Variants in EDN1 observed in about 807,000 individuals in gnomAD.
EDN1 encodes endothelin-1.
In EDN1, 11 loss-of-function variants were observed where a neutral mutation model predicts 21.7. That is an observed-to-expected ratio of 0.51 (90% CI 0.32 to 0.84). EDN1 has a LOEUF of 0.84. EDN1 is among the 40% of genes least tolerant of loss of function. The pLI is 0.03. For synonymous variants in EDN1, 85 were observed against 90.6 expected, an observed-to-expected ratio of 0.94 and a Z score of 0.35; for missense variants, 244 against 262.3, an observed-to-expected ratio of 0.93 and a Z score of 0.48.
chr6:12,255,653 C>T, the EDN1 span, among the ~76,000 whole-genome samples: 2 of 152,184 alleles, frequency 1.3e-5, no homozygotes, highest in South Asian at 4.1e-4. Context: ...GGCTTTCTAG[C>T]GTCCCTGAGA....
the EDN1 span, among the ~76,000 whole-genome samples, chr6:12,269,190 A>G: frequency 6.6e-6 from 1 of 152,102 alleles, no homozygotes; most frequent in Admixed American, 6.5e-5. Flanking sequence ...TGCATCCTGA[A>G]ACTTAAATGA....
At chr6:12,289,103 C>T (rs1359621822), upstream of EDN1, among the ~76,000 whole-genome samples, 4 of 152,192 alleles carry the variant, frequency 2.6e-5, no homozygotes, top group Non-Finnish European at 4.4e-5. Context: ...GGCATGATGT[C>T]ACCTGTACAG....
the EDN1 span, among the ~76,000 whole-genome samples, chr6:12,278,714 T>C: frequency 6.6e-6 from 1 of 152,042 alleles, no homozygotes; most frequent in African/African-American, 2.4e-5. Context: ...CTGGTCAACA[T>C]GGTGAAACCC....
At chr6:12,276,979 A>G in the EDN1 span, among the ~76,000 whole-genome samples, 2 of 152,358 alleles carry the variant, frequency 1.3e-5, no homozygotes, top group East Asian at 3.9e-4. Flanking sequence ...CTTCTTCAGA[A>G]TGATAAGAAA....
chr6:12,238,798 C>T, the EDN1 span, among the ~76,000 whole-genome samples: 2 of 152,188 alleles, frequency 1.3e-5, no homozygotes, highest in Non-Finnish European at 2.9e-5. Flanking sequence ...CAAGCATTTC[C>T]TTTAGCTCCT....
chr6:12,232,682 G>A, the EDN1 span, among the ~76,000 whole-genome samples: 1 of 152,190 alleles, frequency 6.6e-6, no homozygotes, highest in East Asian at 1.9e-4. Context: ...AAATAAAGTT[G>A]ATCCTAAATG....
At chr6:12,295,910 A>C in intron 4 of EDN1, 52 bp from the exon 5 acceptor site, 4 of 1,572,828 alleles carry the variant, frequency 2.5e-6, no homozygotes, top group Non-Finnish European at 3.5e-6. Context: ...TCTTTTGCCA[A>C]AGGGTGATTT....
At chr6:12,244,728 G>T in the EDN1 span, among the ~76,000 whole-genome samples, 2 of 152,180 alleles carry the variant, frequency 1.3e-5, no homozygotes, top group African/African-American at 4.8e-5. Context: ...ACATGGTAAA[G>T]AAGGCAAATA....
chr6:12,231,122 G>A, the EDN1 span, among the ~76,000 whole-genome samples: 10 of 152,274 alleles, frequency 6.6e-5, no homozygotes, highest in South Asian at 6.2e-4. Flanking sequence ...ACAATAAGCC[G>A]TGAGATTAAC....
the EDN1 span, among the ~76,000 whole-genome samples, chr6:12,235,705 C>A: frequency 1.3e-5 from 2 of 152,342 alleles, no homozygotes; most frequent in African/African-American, 4.8e-5. Flanking sequence ...TCCAACAGAA[C>A]TTTCCGCAAT....
chr6:12,294,597 A>C lies in EDN1; in HGVS notation c.533+193A>C, dbSNP rs563232023. Among the ~76,000 whole-genome samples, 22 of 152,310 alleles carry C rather than the reference A, an allele frequency of 1.4e-4. 1 individual carries two copies. In the South Asian group the frequency reaches 2.9e-3, roughly 20 times the overall value. On this transcript the variant is annotated intron_variant, in intron 4 of 4. Transcript: ENST00000379375. The stretch of plus-strand genomic sequence containing the variant: ...GAATCCCTCTTAAATATTTCCATGA[A>C]GCTCTGGAATGCAAACCGATGTCCT...
At chr6:12,295,856 C>T (rs1407699630) in intron 4 of EDN1, 106 bp from the exon 5 acceptor site, 2 of 1,124,310 alleles carry the variant, frequency 1.8e-6, no homozygotes, top group Non-Finnish European at 2.6e-6. Flanking sequence ...AAGTTCACAA[C>T]CAGATTCAGG....
chr6:12,253,239 A>G, the EDN1 span, among the ~76,000 whole-genome samples: 1 of 152,228 alleles, frequency 6.6e-6, no homozygotes, highest in Non-Finnish European at 1.5e-5. Flanking sequence ...AACTGTCAAA[A>G]AAGGGAGAGA....
chr6:12,284,926 G>C, the EDN1 span, among the ~76,000 whole-genome samples: 1 of 152,116 alleles, frequency 6.6e-6, no homozygotes, highest in Non-Finnish European at 1.5e-5. Context: ...GAAGTGACTT[G>C]ACTCAACTCC....
At chr6:12,260,846 A>G in the EDN1 span, among the ~76,000 whole-genome samples, 149 of 152,204 alleles carry the variant, frequency 9.8e-4, no homozygotes, top group African/African-American at 3.6e-3. Flanking sequence ...TTTTGCACCA[A>G]TCTTGGCTAC....
At chr6:12,276,327 G>A in the EDN1 span, among the ~76,000 whole-genome samples, 1 of 152,204 alleles carries the variant, frequency 6.6e-6, no homozygotes, top group Non-Finnish European at 1.5e-5. Flanking sequence ...GTTAGTGCAA[G>A]CACTGTGCTG....
the EDN1 span, among the ~76,000 whole-genome samples, chr6:12,244,807 G>C: frequency 6.6e-6 from 1 of 152,140 alleles, no homozygotes; most frequent in Non-Finnish European, 1.5e-5. Context: ...GAGAAGCCCA[G>C]GGGTCCACAG....
chr6:12,244,865 C>T, the EDN1 span, among the ~76,000 whole-genome samples: 7 of 152,194 alleles, frequency 4.6e-5, no homozygotes, highest in Non-Finnish European at 8.8e-5. Context: ...CATTAAATTA[C>T]AAGACTCATT....
chr6:12,295,838 G>T, intron 4 of EDN1, 124 bp from the exon 5 acceptor site: 1 of 839,270 alleles, frequency 1.2e-6, no homozygotes, highest in East Asian at 2.7e-5. Context: ...AGTTGCGGCG[G>T]GTGGTGAAAG....
Sources: gnomAD v4.1 joint callset for allele counts (sites outside exome capture counted in the v4.1 genomes callset) on GRCh38, gnomAD v4.1.1 for gene constraint, MANE v1.5 for transcripts, NCBI Gene and HGNC (gene_info 2026-07-23, HGNC 2026-07-21) for gene names.